LINS1: variants seen among roughly 807,000 people sequenced by gnomAD.
LINS1 encodes lines homolog 1.
A neutral mutation model predicts 41.6 loss-of-function variants in LINS1; 27 were observed. That is an observed-to-expected ratio of 0.65 (90% CI 0.48 to 0.89). LINS1 has a LOEUF of 0.89. Among genes scored for constraint, LINS1 ranks in the 40% least tolerant of loss-of-function variants. The pLI, the probability that LINS1 is intolerant of heterozygous loss-of-function variation, is 0.00. For synonymous variants in LINS1, 336 were observed against 312.9 expected (o/e 1.07, Z -0.78); for missense variants, 955 against 884.1 (o/e 1.08, Z -1.02).
At position 100,569,668 on chromosome 15, in the gene LINS1, GA is replaced by G. The variant is rs771440100; in HGVS notation, c.1843del (p.Ser615LeufsTer13). The G allele has an allele frequency of 6.2e-7, 1 of 1,613,692 alleles. No individual in the cohort carries two copies. The highest frequency in any genetic ancestry group is 8.5e-7 in the Non-Finnish European group (1 of 1,179,728). On this transcript the variant is annotated frameshift_variant, in exon 7 of 7. Transcript: ENST00000314742. LOFTEE classifies it low-confidence loss of function (END_TRUNC). ...AGAGGCCCGGGGGGAAGACAGACTA[GA>G]AGCACACATGGTGTGAGCCCCCTTG... Reference protein sequence around the residue: ...MSKGAHTMCASSLSSPRASQS... With the variant: ...MSKGAHTMCAXSLSSPRASQS...
At chr15:100,588,981 G>A (rs913258331) in intron 1 of LINS1, among the ~76,000 whole-genome samples, 2 of 152,180 alleles carry the variant, frequency 1.3e-5, no homozygotes, top group Non-Finnish European at 2.9e-5. Context: ...TTACAGCTAG[G>A]TAGGGCCCGG....
At chr15:100,591,238 G>C (rs544183766) in intron 1 of LINS1, among the ~76,000 whole-genome samples, 2 of 152,200 alleles carry the variant, frequency 1.3e-5, no homozygotes, top group Non-Finnish European at 2.9e-5. Flanking sequence ...TTCTCTCAAA[G>C]GTTTTAAATG....
Position 100,569,949 on chromosome 15 carries a change from A to C in LINS1, c.1563T>G (p.Leu521=). ...ATTTTAAATATCTAACAAAATATTC[A>C]AGAAAACAGGTTTCTGATGAAATCA... ...DFLISSETCF[L]EYFVRYLKLL... The change falls in exon 7 of 7, where the codon CTT becomes CTG. Residue 521 remains leucine (L), a synonymous_variant. Transcript: ENST00000314742. 1 of 1,590,636 alleles carries C rather than the reference A, an allele frequency of 6.3e-7. No homozygotes were observed. Among genetic ancestry groups the C allele is most frequent in the Non-Finnish European group, 8.6e-7 (1 of 1,166,720 alleles).
intron 1 of LINS1, among the ~76,000 whole-genome samples, chr15:100,587,550 C>T (rs2038864072): frequency 6.6e-6 from 1 of 152,124 alleles, no homozygotes; most frequent in South Asian, 2.1e-4. Context: ...TTATTCTCCT[C>T]TGGGCTTTGC....
At chr15:100,571,819 C>T (rs1027929156) in intron 6 of LINS1, 75 bp downstream of exon 6, 2 of 1,543,220 alleles carry the variant, frequency 1.3e-6, no homozygotes, top group Non-Finnish European at 1.8e-6. Context: ...AGCAACACGC[C>T]CAGCACATTC....
At chr15:100,580,223 A>G (rs2038452825) in intron 3 of LINS1, 40 bp downstream of exon 3, 1 of 1,424,768 alleles carries the variant, frequency 7.0e-7, no homozygotes, top group East Asian at 2.5e-5. Flanking sequence ...AAAAAAATTA[A>G]GAAAGAGAAA....
chr15:100,598,028 T>C (rs1026450620), intron 1 of LINS1, among the ~76,000 whole-genome samples: 2 of 152,238 alleles, frequency 1.3e-5, no homozygotes, highest in Non-Finnish European at 2.9e-5. Flanking sequence ...CTTGATACAA[T>C]GCTTCTCCTT....
In LINS1 at chr15:100,580,769, C is replaced by T. The variant is rs776619489; in HGVS notation, c.74G>A (p.Ser25Asn). Residue 25 changes from serine (S) to asparagine (N), a missense_variant, in exon 2 of 7, where the codon AGC (serine) becomes AAC (asparagine). Transcript: ENST00000314742. ...VLLGATLEND[S>N]HDYIFYLNPA... Reference sequence around the variant, plus strand: ...GTTGAGATAAAAGATGTAATCATGGCTGTCATTTTCAAGTGTGGCTCCAAG... The same window carrying T: ...GTTGAGATAAAAGATGTAATCATGGTTGTCATTTTCAAGTGTGGCTCCAAG... 1 of 1,609,520 alleles carries T rather than the reference C, an allele frequency of 6.2e-7. No homozygotes were observed. Among genetic ancestry groups the T allele is most frequent in the African/African-American group, 1.3e-5 (1 of 74,912 alleles).
At chr15:100,575,704 A>G (rs1055748956) in intron 3 of LINS1, among the ~76,000 whole-genome samples, 15 of 152,224 alleles carry the variant, frequency 9.9e-5, no homozygotes, top group Non-Finnish European at 2.1e-4. Context: ...TCTCCAACCC[A>G]AATCAACAGA....
intron 1 of LINS1, chr15:100,586,296 A>G (rs1211954884): frequency 6.6e-6 from 1 of 152,374 alleles, no homozygotes; most frequent in African/African-American, 2.4e-5. Context: ...TTCATTTTAC[A>G]TATCTTGATT....
At chr15:100,590,129 T>C (rs948223343) in intron 1 of LINS1, among the ~76,000 whole-genome samples, 1 of 152,174 alleles carries the variant, frequency 6.6e-6, no homozygotes, top group Non-Finnish European at 1.5e-5. Flanking sequence ...CAGAAGAACA[T>C]GGCATCCTTG....
intron 2 of LINS1, 25 bp from the exon 3 acceptor site, chr15:100,580,377 C>A: frequency 6.2e-7 from 1 of 1,604,294 alleles, no homozygotes; most frequent in Non-Finnish European, 8.5e-7. Flanking sequence ...ATATAATTAA[C>A]CACTATTGCT....
At chr15:100,589,592 G>T (rs1395336356) in intron 1 of LINS1, among the ~76,000 whole-genome samples, 1 of 152,152 alleles carries the variant, frequency 6.6e-6, no homozygotes, top group Non-Finnish European at 1.5e-5. Flanking sequence ...ATTATTGAAA[G>T]TTCTGCATTC....
intron 5 of LINS1, 120 bp downstream of exon 5, chr15:100,573,531 T>C: frequency 1.3e-6 from 1 of 747,948 alleles, no homozygotes. Context: ...AAGTTACAAA[T>C]AGGATAACAT....
chr15:100,585,962 C>T (rs1003242244), intron 1 of LINS1, among the ~76,000 whole-genome samples: 2 of 152,162 alleles, frequency 1.3e-5, no homozygotes, highest in Non-Finnish European at 2.9e-5. Flanking sequence ...AAACTATAAA[C>T]CCAGCCAAAA....
At chr15:100,588,380 G>A (rs549860356) in intron 1 of LINS1, among the ~76,000 whole-genome samples, 1 of 152,152 alleles carries the variant, frequency 6.6e-6, no homozygotes, top group African/African-American at 2.4e-5. Context: ...TGTGTTGTGT[G>A]TATAATATAA....
At chr15:100,583,984 T>G (rs2141323153) in intron 1 of LINS1, among the ~76,000 whole-genome samples, 1 of 151,912 alleles carries the variant, frequency 6.6e-6, no homozygotes, top group East Asian at 1.9e-4. Flanking sequence ...AGTAAAAATT[T>G]CAGCAACAAA....
In LINS1 at chr15:100,572,053, C is replaced by T. The variant is rs1393600277; in HGVS notation, c.1235G>A (p.Arg412Lys). The T allele has an allele frequency of 1.9e-6, 3 of 1,614,126 alleles. No homozygotes were observed. Among genetic ancestry groups the T allele is most frequent in the Non-Finnish European group, 2.5e-6 (3 of 1,180,010 alleles). ...GAAGGTCAGTAACTCAGACATGAACCTCTGTAAGTCAACTTCAAAAAATGA... is the reference window on the plus strand; with the variant it reads ...GAAGGTCAGTAACTCAGACATGAACTTCTGTAAGTCAACTTCAAAAAATGA... ...SASEVKVDLQRFMSELLTFLK... is the reference protein window; with the variant it reads ...SASEVKVDLQKFMSELLTFLK... The change falls in exon 6 of 7, where the codon AGG becomes AAG. Residue 412 changes from arginine to lysine, a missense_variant. Physicochemically the swap from Arg to Lys is conservative, Grantham distance 26. Transcript: ENST00000314742.
At chr15:100,574,606 G>A (rs562967415) in intron 4 of LINS1, among the ~76,000 whole-genome samples, 34 of 152,274 alleles carry the variant, frequency 2.2e-4, no homozygotes, top group African/African-American at 6.0e-4. Flanking sequence ...TACTCGGGAG[G>A]CTGAGGCAGA....
Sources: gnomAD v4.1 joint callset for allele counts (sites outside exome capture counted in the v4.1 genomes callset) on GRCh38, gnomAD v4.1.1 for gene constraint, MANE v1.5 for transcripts, NCBI Gene and HGNC (gene_info 2026-07-23, HGNC 2026-07-21) for gene names.